The following CCDC102B variants were observed in gnomAD, a reference collection of about 807,000 sequenced individuals.
The protein encoded by CCDC102B is coiled-coil domain-containing protein 102B.
A neutral mutation model predicts 57.4 loss-of-function variants in CCDC102B; 75 were observed. The ratio of observed to expected loss-of-function variants is 1.31; its 90% confidence interval spans 1.08 to 1.58. The LOEUF (loss-of-function observed/expected upper bound fraction) is 1.58, where lower values mean the gene tolerates loss of function less well. CCDC102B is among the 40% of genes most tolerant of loss of function. The pLI, the probability that CCDC102B is intolerant of heterozygous loss-of-function variation, is 0.00. For missense variants in CCDC102B, 636 were observed against 582.6 expected, an observed-to-expected ratio of 1.09 and a Z score of -0.94; for synonymous variants, 206 against 201.9, an observed-to-expected ratio of 1.02 and a Z score of -0.17.
intron 5 of CCDC102B, among the ~76,000 whole-genome samples, chr18:68,880,540 C>T (rs139097261): frequency 0.011 from 1,609 of 152,302 alleles, 36 homozygotes; most frequent in East Asian, 0.08. Flanking sequence ...TGAGGACTGC[C>T]AGCATGCTGT....
chr18:68,936,658 G>A (rs1375777272), intron 6 of CCDC102B, among the ~76,000 whole-genome samples: 1 of 151,738 alleles, frequency 6.6e-6, no homozygotes, highest in African/African-American at 2.4e-5. Context: ...TACCTTGTGT[G>A]ACTGGATCAA....
chr18:68,719,963 A>G (rs1041450781), intron 2 of CCDC102B, among the ~76,000 whole-genome samples: 5 of 152,356 alleles, frequency 3.3e-5, no homozygotes, highest in South Asian at 2.1e-4. Flanking sequence ...ACTGAAAAAG[A>G]TAATAATCAT....
intron 2 of CCDC102B, among the ~76,000 whole-genome samples, chr18:68,750,562 A>C (rs1034847990): frequency 6.6e-6 from 1 of 152,146 alleles, no homozygotes; most frequent in Non-Finnish European, 1.5e-5. Context: ...ATTTCCATCA[A>C]TGATAGACTG....
At chr18:68,756,513 T>C (rs2034056789) in intron 2 of CCDC102B, among the ~76,000 whole-genome samples, 1 of 152,176 alleles carries the variant, frequency 6.6e-6, no homozygotes, top group Admixed American at 6.5e-5. Context: ...TATATGAAAA[T>C]ATCCTCCGTA....
intron 6 of CCDC102B, among the ~76,000 whole-genome samples, chr18:68,931,108 TAC>T (rs2041658431): frequency 6.6e-6 from 1 of 151,912 alleles, no homozygotes; most frequent in South Asian, 2.1e-4. Context: ...TAGATAAACT[TAC>T]AGTGTGATGA....
Position 68,734,924 on chromosome 18 carries a change from C to T in CCDC102B, c.-67+18330C>T, listed in dbSNP as rs545979326. 8.5e-5 allele frequency among the ~76,000 whole-genome samples: 13 copies of T among 152,240 alleles called. No individual in the cohort carries two copies. The East Asian group carries it at 1.4e-3, about 16-fold the overall frequency. On this transcript the variant is annotated intron_variant, in intron 2 of 3. Transcript: ENST00000578970. ...TAGGGTTTCATTTGATCCACAATAC[C>T]GTATCTCTTGCAGCAACTCATTTTA...
Position 68,930,289 on chromosome 18 carries a change from AATAC to A in CCDC102B, c.1263+32869_1263+32872del, listed in dbSNP as rs1258064362. ...TATATTATACATTATATGCATGTAT[AATAC>A]ATACATATACTACGTATTATATAAT... On this transcript the variant is annotated intron_variant, in intron 6 of 7. Coordinates refer to ENST00000360242, the MANE Select transcript of CCDC102B (RefSeq NM_024781.3). 8.0e-5 allele frequency among the ~76,000 whole-genome samples: 12 copies of A among 149,684 alleles called. No individual in the cohort carries two copies. The Admixed American group carries it at 8.1e-4, about 10-fold the overall frequency.
intron 4 of CCDC102B, among the ~76,000 whole-genome samples, chr18:68,858,345 G>A (rs961913196): frequency 6.6e-6 from 1 of 152,000 alleles, no homozygotes; most frequent in Admixed American, 6.6e-5. Context: ...ACTGGTTTAA[G>A]CAATTTGATT....
At chr18:69,035,677 T>C (rs1252455399) in intron 7 of CCDC102B, among the ~76,000 whole-genome samples, 4 of 152,096 alleles carry the variant, frequency 2.6e-5, no homozygotes, top group African/African-American at 9.6e-5. Flanking sequence ...TTACTGAAGT[T>C]TTTTTTCCAG....
At chr18:68,791,938 C>A (rs953129721) in intron 2 of CCDC102B, among the ~76,000 whole-genome samples, 11 of 152,092 alleles carry the variant, frequency 7.2e-5, no homozygotes, top group African/African-American at 2.4e-4. Flanking sequence ...TTGGCAATGT[C>A]TGGTAACATT....
At position 68,943,413 on chromosome 18, in the gene CCDC102B, G is replaced by C. The variant is rs961743515; in HGVS notation, c.1263+45985G>C. Among the ~76,000 whole-genome samples the C allele has an allele frequency of 2.6e-5, 4 of 151,922 alleles. No individual in the cohort carries two copies. In the South Asian group the frequency reaches 6.2e-4, roughly 24 times the overall value. On this transcript the variant is annotated intron_variant, in intron 6 of 7. Transcript: ENST00000360242. ...AATCTTTTACTGACTGGTCTATTATGGTACTTTTCTAGGCTTTATACTTTT... is the reference window on the plus strand; with the variant it reads ...AATCTTTTACTGACTGGTCTATTATCGTACTTTTCTAGGCTTTATACTTTT...
intron 2 of CCDC102B, among the ~76,000 whole-genome samples, chr18:68,749,294 T>G (rs2033750728): frequency 6.6e-6 from 1 of 152,040 alleles, no homozygotes; most frequent in Non-Finnish European, 1.5e-5. Context: ...TTAAAGTCGT[T>G]TTTTCCAATA....
chr18:68,805,220 A>T (rs1217036649), intron 1 of CCDC102B, among the ~76,000 whole-genome samples: 2 of 152,204 alleles, frequency 1.3e-5, no homozygotes, highest in Admixed American at 6.5e-5. Context: ...AGATATGAAA[A>T]TTTTGAAGAT....
intron 1 of CCDC102B, among the ~76,000 whole-genome samples, chr18:68,828,328 A>C (rs1380834956): frequency 6.9e-6 from 1 of 145,772 alleles, no homozygotes; most frequent in Non-Finnish European, 1.5e-5. Context: ...TTTACAAAAA[A>C]AAAAAAAAAA....
In CCDC102B at chr18:68,948,023, G is replaced by T. The variant is rs547677783; in HGVS notation, c.1263+50595G>T. ...AATAATCCAAACATTTTTATATTGT[G>T]CATCATCATTACAACCATAATTTGA... is the stretch of plus-strand genomic sequence containing the variant. On this transcript the variant is annotated intron_variant, in intron 6 of 7. Coordinates refer to ENST00000360242, the MANE Select transcript of CCDC102B (RefSeq NM_024781.3). Among the ~76,000 whole-genome samples the T allele has an allele frequency of 3.9e-5, 6 of 152,106 alleles. No individual in the cohort carries two copies. The East Asian group carries it at 1.2e-3, about 29-fold the overall frequency.
Position 69,054,354 on chromosome 18 carries a change from A to G in CCDC102B, c.*217A>G. 1 of 1,193,108 alleles carries G rather than the reference A, an allele frequency of 8.4e-7. No individual in the cohort carries two copies. Among genetic ancestry groups the G allele is most frequent in the Admixed American group, 4.4e-5 (1 of 22,640 alleles). The allele number at this position is 1,193,108 out of a possible 1,614,324, so 73.9% of individuals were successfully genotyped here. On this transcript the variant is annotated 3_prime_UTR_variant, in exon 8 of 8. Coordinates refer to ENST00000360242, the MANE Select transcript of CCDC102B (RefSeq NM_024781.3). ...ACAATTTAAATGTCATTTAAAAACA[A>G]CTTTAATTCTAAGATGTGTAAATAT...
chr18:69,051,881 C>T (rs1442727687), intron 7 of CCDC102B, among the ~76,000 whole-genome samples: 1 of 151,496 alleles, frequency 6.6e-6, no homozygotes, highest in Non-Finnish European at 1.5e-5. Flanking sequence ...GTAAAATTAA[C>T]TCCTGCTTGA....
intron 1 of CCDC102B, among the ~76,000 whole-genome samples, chr18:68,825,134 G>A (rs2036856573): frequency 1.3e-5 from 2 of 151,974 alleles, no homozygotes; most frequent in South Asian, 2.1e-4. Context: ...CTTATATAAA[G>A]GTAAATATTA....
chr18:69,053,884 A>G (rs2052767947), intron 7 of CCDC102B, 146 bp from the exon 8 acceptor site: 2 of 597,654 alleles, frequency 3.3e-6, no homozygotes, highest in East Asian at 6.6e-5. Flanking sequence ...TACTATTTCA[A>G]ATACTTATAG....
Sources: allele counts gnomAD v4.1 joint callset (sites outside exome capture counted in the v4.1 genomes callset), GRCh38; gene constraint gnomAD v4.1.1; transcripts MANE v1.5; gene names NCBI Gene and HGNC (gene_info 2026-07-23, HGNC 2026-07-21).